The following FAM227B variants were observed in gnomAD, a reference collection of about 807,000 sequenced individuals.
The protein encoded by FAM227B is protein FAM227B.
Under a neutral mutation model 73.8 loss-of-function variants are expected in FAM227B, and 88 were observed. The observed-to-expected ratio is 1.19, with a 90% CI of 1.00 to 1.42. The LOEUF (loss-of-function observed/expected upper bound fraction) is 1.42, where lower values mean the gene tolerates loss of function less well. Ranked by LOEUF, FAM227B falls within the 40% of genes most tolerant of loss-of-function variation. FAM227B has a pLI of 0.00. For missense variants in FAM227B, 632 were observed against 590.9 expected, an observed-to-expected ratio of 1.07 and a Z score of -0.72; for synonymous variants, 210 against 190.5, an observed-to-expected ratio of 1.10 and a Z score of -0.84.
intron 4 of FAM227B, among the ~76,000 whole-genome samples, 171 bp from the exon 5 acceptor site, chr15:49,588,254 G>T (rs908446367): frequency 1.2e-4 from 18 of 151,340 alleles, no homozygotes; most frequent in Non-Finnish European, 2.7e-4. Flanking sequence ...ATGAATAACT[G>T]GAATTATTAT....
intron 1 of FAM227B, among the ~76,000 whole-genome samples, chr15:49,619,006 A>T (rs1271175773): frequency 6.6e-6 from 1 of 152,192 alleles, no homozygotes; most frequent in South Asian, 2.1e-4. Context: ...CCAAATTGAT[A>T]CATGTCATTT....
chr15:49,444,067 C>T (rs1161901252), intron 11 of FAM227B, among the ~76,000 whole-genome samples: 1 of 151,648 alleles, frequency 6.6e-6, no homozygotes, highest in Non-Finnish European at 1.5e-5. Context: ...AACAAGGATG[C>T]AAGGTCACCT....
At chr15:49,463,432 T>C (rs112798740) in intron 11 of FAM227B, among the ~76,000 whole-genome samples, 3,300 of 151,716 alleles carry the variant, frequency 0.022, 139 homozygotes, top group African/African-American at 0.076. Flanking sequence ...TGGGCGCCTG[T>C]AATCCCAGCT....
chr15:49,537,035 AGCT>A (rs2070374722), intron 10 of FAM227B, among the ~76,000 whole-genome samples: 1 of 152,140 alleles, frequency 6.6e-6, no homozygotes, highest in Non-Finnish European at 1.5e-5. Context: ...TCATACCAAT[AGCT>A]TGGGCTACAA....
chr15:49,517,634 C>T (rs926981306), intron 10 of FAM227B, among the ~76,000 whole-genome samples: 3 of 152,160 alleles, frequency 2.0e-5, no homozygotes, highest in Non-Finnish European at 2.9e-5. Context: ...AGAGGCTTTA[C>T]TGCAGCTACT....
chr15:49,439,194 C>A (rs1036252627), intron 11 of FAM227B, among the ~76,000 whole-genome samples: 3 of 151,552 alleles, frequency 2.0e-5, no homozygotes, highest in African/African-American at 7.2e-5. Context: ...TTCCTCTTTG[C>A]TATGTGGGCC....
intron 9 of FAM227B, among the ~76,000 whole-genome samples, chr15:49,564,923 T>C (rs879710022): frequency 2.4e-4 from 36 of 152,020 alleles, no homozygotes; most frequent in Non-Finnish European, 1.0e-4. Context: ...TTTCATACAA[T>C]ATACCCACGT....
chr15:49,355,014 C>G (rs1314118468), intron 13 of FAM227B, among the ~76,000 whole-genome samples: 2 of 151,526 alleles, frequency 1.3e-5, no homozygotes, highest in African/African-American at 4.9e-5. Context: ...CTCCAACAGA[C>G]CTGCAGCTGA....
At chr15:49,393,734 G>A (rs1372315384) in intron 11 of FAM227B, among the ~76,000 whole-genome samples, 1 of 151,982 alleles carries the variant, frequency 6.6e-6, no homozygotes, top group Non-Finnish European at 1.5e-5. Flanking sequence ...TGACTACTGC[G>A]ACTAACTGAA....
chr15:49,369,991 G>A (rs549252694), intron 12 of FAM227B, among the ~76,000 whole-genome samples: 2 of 152,292 alleles, frequency 1.3e-5, no homozygotes, highest in East Asian at 3.9e-4. Flanking sequence ...AGAAGAAGAA[G>A]AGACCAGAGC....
At chr15:49,520,597 G>A (rs1486818230) in intron 10 of FAM227B, among the ~76,000 whole-genome samples, 1 of 152,174 alleles carries the variant, frequency 6.6e-6, no homozygotes, top group Admixed American at 6.5e-5. Context: ...GGAAAGCAAA[G>A]GAGAGCAAAG....
At chr15:49,395,254 G>A (rs1183279863) in intron 11 of FAM227B, among the ~76,000 whole-genome samples, 1 of 151,692 alleles carries the variant, frequency 6.6e-6, no homozygotes, top group Non-Finnish European at 1.5e-5. Context: ...GGGGTTTTAA[G>A]GTTTTTTTTG....
Position 49,582,020 on chromosome 15 carries a change from T to G in FAM227B, c.406-4356A>C, listed in dbSNP as rs527356731. ...GCCTCTCCCAGGGCCCCAGCCTGGC[T>G]GTACCTGCTTGCAGTACACATACCA... On this transcript the variant is annotated intron_variant, in intron 5 of 15. Transcript: ENST00000299338. Among the ~76,000 whole-genome samples, 12 of 152,338 alleles carry G rather than the reference T, an allele frequency of 7.9e-5. No individual in the cohort carries two copies. The East Asian group carries it at 2.3e-3, about 29-fold the overall frequency.
intron 11 of FAM227B, among the ~76,000 whole-genome samples, chr15:49,415,627 A>C (rs2049160089): frequency 6.6e-6 from 1 of 152,202 alleles, no homozygotes; most frequent in Admixed American, 6.5e-5. Context: ...CTTTAAATTT[A>C]GATTAGCATT....
At chr15:49,362,351 T>C (rs1265305233) in intron 13 of FAM227B, among the ~76,000 whole-genome samples, 1 of 152,204 alleles carries the variant, frequency 6.6e-6, no homozygotes, top group African/African-American at 2.4e-5. Flanking sequence ...TGCTTCCCCT[T>C]CACATTCTGC....
At chr15:49,523,358 A>G (rs2059922311) in intron 10 of FAM227B, among the ~76,000 whole-genome samples, 2 of 152,248 alleles carry the variant, frequency 1.3e-5, no homozygotes, top group African/African-American at 4.8e-5. Context: ...AAGATCTGAT[A>G]ATTTAAAAAA....
chr15:49,461,788 G>A (rs2053821105), intron 11 of FAM227B, among the ~76,000 whole-genome samples: 1 of 152,104 alleles, frequency 6.6e-6, no homozygotes, highest in Non-Finnish European at 1.5e-5. Context: ...TGCTAATTAT[G>A]GTACTGATTT....
intron 13 of FAM227B, among the ~76,000 whole-genome samples, chr15:49,357,256 GA>G (rs2043311086): frequency 6.6e-6 from 1 of 150,482 alleles, no homozygotes; most frequent in South Asian, 2.1e-4. Flanking sequence ...GAAGGAAATA[GA>G]GACACAAAAA....
In FAM227B at chr15:49,480,059, T is replaced by C. The variant is rs1332538109; in HGVS notation, c.1012+28152A>G. ...GAGGGTTGTAGGACATGGAACAAAA[T>C]AGACTAGAAAATAGGGTTGATAAGC... is the stretch of plus-strand genomic sequence containing the variant. On this transcript the variant is annotated intron_variant, in intron 11 of 15. Coordinates refer to ENST00000299338, the MANE Select transcript of FAM227B (RefSeq NM_152647.3). Among the ~76,000 whole-genome samples, 5 of 152,284 alleles carry C rather than the reference T, an allele frequency of 3.3e-5. 1 individual carries two copies. Among genetic ancestry groups the C allele is most frequent in the South Asian group, 4.1e-4 (2 of 4,828 alleles).
Sources: gnomAD v4.1 joint callset for allele counts (sites outside exome capture counted in the v4.1 genomes callset) on GRCh38, gnomAD v4.1.1 for gene constraint, MANE v1.5 for transcripts, NCBI Gene and HGNC (gene_info 2026-07-23, HGNC 2026-07-21) for gene names.